The following ADAM11 variants were observed in gnomAD, a reference collection of about 807,000 sequenced individuals.
ADAM11 encodes ADAM metallopeptidase domain 11, also known as disintegrin and metalloproteinase domain-containing protein 11.
In ADAM11, 49 loss-of-function variants were observed where a neutral mutation model predicts 119.1. The observed-to-expected ratio is 0.41, with a 90% CI of 0.33 to 0.52. The LOEUF is 0.52. Ranked by LOEUF, ADAM11 falls within the 20% of genes least tolerant of loss-of-function variation. The pLI is 0.20. For synonymous variants in ADAM11, 364 were observed against 408.0 expected, an observed-to-expected ratio of 0.89 and a Z score of 1.30; for missense variants, 777 against 1,047.5, an observed-to-expected ratio of 0.74 and a Z score of 3.56.
chr17:44,763,585 G>C (rs916459148), intron 2 of ADAM11, among the ~76,000 whole-genome samples: 2 of 152,234 alleles, frequency 1.3e-5, no homozygotes, highest in Non-Finnish European at 2.9e-5. Context: ...TGCAGGTCAG[G>C]CAAGACTACC....
rs1348432998 is a variant in ADAM11 at position 44,764,531 on chromosome 17, C to T, written c.237+4634C>T. 2.6e-5 allele frequency among the ~76,000 whole-genome samples: 4 copies of T among 152,120 alleles called. No individual in the cohort carries two copies. In the East Asian group the frequency reaches 5.8e-4, roughly 22 times the overall value. The stretch of plus-strand genomic sequence containing the variant: ...AGGGCTAGGATTTTGCTGGGCCCAG[C>T]TTGTTCCCAGGGGTGAGGTGGGGGC... On this transcript the variant is annotated intron_variant, in intron 2 of 26. Transcript: ENST00000200557.
At chr17:44,759,338 C>T (rs986250926) in intron 1 of ADAM11, 78 bp downstream of exon 1, 2 of 1,312,774 alleles carry the variant, frequency 1.5e-6, no homozygotes, top group Non-Finnish European at 1.9e-6. Context: ...GCTGCAGCCA[C>T]CTTTTCCTGC....
At chr17:44,771,137 T>TA (rs900878577) in intron 4 of ADAM11, among the ~76,000 whole-genome samples, 1 of 149,858 alleles carries the variant, frequency 6.7e-6, no homozygotes, top group Non-Finnish European at 1.5e-5. Flanking sequence ...AATAAATAAA[T>TA]ACAAAAATTA....
chr17:44,771,557 G>C, intron 4 of ADAM11, 27 bp from the exon 5 acceptor site: 1 of 1,607,594 alleles, frequency 6.2e-7, no homozygotes, highest in Non-Finnish European at 8.5e-7. Flanking sequence ...TCATGCCAGC[G>C]TTCTGCTCAC....
Position 44,777,113 on chromosome 17 carries a change from T to C in ADAM11, c.1682-53T>C, listed in dbSNP as rs1252342008. On this transcript the variant is annotated intron_variant, in intron 20 of 26. Transcript: ENST00000200557. The surrounding 1 kb of genome is among the most constrained non-coding windows in gnomAD (Gnocchi z 5.1). ...GAGTGTGGGAGATGCAGGCCTGAGGTCTTGGGGTGGGTCCTGGGGCGCGTG... is the reference window on the plus strand; with the variant it reads ...GAGTGTGGGAGATGCAGGCCTGAGGCCTTGGGGTGGGTCCTGGGGCGCGTG... 15 of 1,555,018 alleles carry C rather than the reference T, an allele frequency of 9.6e-6. No individual in the cohort carries two copies. Among genetic ancestry groups the C allele is most frequent in the African/African-American group, 2.7e-5 (2 of 73,634 alleles).
intron 6 of ADAM11, 95 bp downstream of exon 6, chr17:44,771,926 C>A (rs941034193): frequency 2.2e-6 from 3 of 1,388,710 alleles, no homozygotes; most frequent in African/African-American, 2.9e-5. Flanking sequence ...TCCGGCTCCT[C>A]CCTCAGTAAC....
rs201724857 is a variant in ADAM11, at chr17:44,775,793, G to A, written c.1485+117G>A. On this transcript the variant is annotated intron_variant, in intron 17 of 26. Transcript: ENST00000200557. This position sits in a 1 kb window ranked among gnomAD's most constrained non-coding sequence, Gnocchi z 7.5. ...AGCCTTCGGGGACGAAGGCCTCTGG[G>A]GCAGGGCTTGATGCGAAGACAGCGC... 110 of 1,092,246 alleles carry A rather than the reference G, an allele frequency of 1.0e-4. No homozygotes were observed. In the East Asian group the frequency reaches 2.8e-3, roughly 28 times the overall value. The allele number at this position is 1,092,246 out of a possible 1,614,324, so 67.7% of individuals were successfully genotyped here.
intron 3 of ADAM11, 29 bp from the exon 4 acceptor site, chr17:44,769,953 C>G (rs369627734): frequency 1.8e-5 from 29 of 1,613,626 alleles, no homozygotes; most frequent in South Asian, 1.2e-4. Context: ...CGCCCGTGAC[C>G]CCCCTTCCTG....
chr17:44,770,021 C>T lies in ADAM11; in HGVS notation c.354C>T (p.Ser118=). The part of the protein sequence containing the change: ...LSSQYVERHF[S]REGTTQHSTG... ...CGCAATACGTGGAGCGCCACTTCAG[C>T]CGGGAGGGGACAACCCAGCACAGCA... The change falls in exon 4 of 27, where the codon AGC becomes AGT. Residue 118 remains serine, a synonymous_variant. Coordinates refer to ENST00000200557, the MANE Select transcript of ADAM11 (RefSeq NM_002390.6). 1 of 1,614,108 alleles carries T rather than the reference C, an allele frequency of 6.2e-7. No homozygotes were observed. The highest frequency in any genetic ancestry group is 8.5e-7 in the Non-Finnish European group (1 of 1,180,024).
intron 2 of ADAM11, among the ~76,000 whole-genome samples, chr17:44,762,223 G>A (rs1041442673): frequency 9.2e-5 from 14 of 152,188 alleles, no homozygotes; most frequent in Non-Finnish European, 1.9e-4. Context: ...AGCAGTGGAG[G>A]TGGGAGTTTT....
At position 44,772,314 on chromosome 17, in the gene ADAM11, C is replaced by A; in HGVS notation, c.591C>A (p.Pro197=). 1 of 1,605,386 alleles carries A rather than the reference C, an allele frequency of 6.2e-7. No individual in the cohort carries two copies. The change falls in exon 7 of 27, where the codon CCC becomes CCA. Residue 197 remains proline (P), a synonymous_variant. Transcript: ENST00000200557. The surrounding 1 kb of genome is among the most constrained non-coding windows in gnomAD (Gnocchi z 4.5). ...ACCGGACCCCTCTCCTCCCAGATCC[C>A]CTCGGATGCAGGGAACCAGGTAAGG... The part of the protein sequence containing the change: ...LIYRTPLLPD[P]LGCREPGCLF...
chr17:44,774,213 A>AG, intron 11 of ADAM11, 82 bp from the exon 12 acceptor site: 1 of 876,360 alleles, frequency 1.1e-6, no homozygotes, highest in Non-Finnish European at 1.7e-6. Context: ...CTCTAGTGTG[A>AG]GGGGCTCCCC....
chr17:44,766,823 C>T (rs988992156), intron 2 of ADAM11, among the ~76,000 whole-genome samples: 6 of 152,228 alleles, frequency 3.9e-5, no homozygotes, highest in African/African-American at 1.4e-4. Flanking sequence ...CCCCTCCCAC[C>T]AGGGATGGAG....
intron 3 of ADAM11, 76 bp downstream of exon 3, chr17:44,769,870 G>C: frequency 6.2e-7 from 1 of 1,603,048 alleles, no homozygotes; most frequent in Non-Finnish European, 8.5e-7. Flanking sequence ...GGCTGCTGGG[G>C]GTCTGGGGGT....
chr17:44,773,464 C>A lies in ADAM11; in HGVS notation c.992+37C>A, dbSNP rs777792723. On this transcript the variant is annotated intron_variant, in intron 11 of 26. Transcript: ENST00000200557. This position sits in a 1 kb window ranked among gnomAD's most constrained non-coding sequence, Gnocchi z 4.6. Reference sequence around the variant, plus strand: ...ACCCTGCACCTCCTGCCAGCCTCTGCTAGTTGCTACAGTGCTTGGGATTAC... The same window carrying A: ...ACCCTGCACCTCCTGCCAGCCTCTGATAGTTGCTACAGTGCTTGGGATTAC... 22 of 1,601,766 alleles carry A rather than the reference C, an allele frequency of 1.4e-5. No individual in the cohort carries two copies. In the East Asian group the frequency reaches 4.7e-4, roughly 34 times the overall value.
intron 2 of ADAM11, among the ~76,000 whole-genome samples, chr17:44,763,278 G>A (rs1396870193): frequency 2.6e-5 from 4 of 152,152 alleles, no homozygotes; most frequent in East Asian, 1.9e-4. Flanking sequence ...TTCCCATCTC[G>A]CAGATGGAGA....
chr17:44,775,927 G>T lies in ADAM11; in HGVS notation c.1486-200G>T, dbSNP rs2049594986. On this transcript the variant is annotated intron_variant, in intron 17 of 26. Coordinates refer to ENST00000200557, the MANE Select transcript of ADAM11 (RefSeq NM_002390.6). The surrounding 1 kb of genome is among the most constrained non-coding windows in gnomAD (Gnocchi z 7.5). ...AGGGGCGGGAAGGTGGGCGGGCTTG[G>T]GGGCGGTGCTGAGTGCGCTGGGAGC... Among the ~76,000 whole-genome samples the T allele has an allele frequency of 6.6e-6, 1 of 152,094 alleles. No homozygotes were observed. Among genetic ancestry groups the T allele is most frequent in the Non-Finnish European group, 1.5e-5 (1 of 68,012 alleles).
At chr17:44,771,539 C>T (rs761633647) in intron 4 of ADAM11, 45 bp from the exon 5 acceptor site, 5 of 1,594,276 alleles carry the variant, frequency 3.1e-6, no homozygotes, top group Non-Finnish European at 4.3e-6. Flanking sequence ...CATTGGCTGC[C>T]CCCGGCCTCA....
At chr17:44,768,787 G>A (rs1266062780) in intron 2 of ADAM11, among the ~76,000 whole-genome samples, 1 of 152,186 alleles carries the variant, frequency 6.6e-6, no homozygotes, top group Non-Finnish European at 1.5e-5. Flanking sequence ...GCCAGGCAGC[G>A]AACAAAAGCC....
Sources: gnomAD v4.1 joint callset for allele counts (sites outside exome capture counted in the v4.1 genomes callset) on GRCh38, gnomAD v4.1.1 for gene constraint, Gnocchi (gnomAD v3.1) non-coding constraint, MANE v1.5 for transcripts, NCBI Gene and HGNC (gene_info 2026-07-23, HGNC 2026-07-21) for gene names.